Variants in CEP290 observed in about 807,000 individuals in gnomAD.
CEP290 encodes the protein centrosomal protein 290, also known as centrosomal protein of 290 kDa.
In CEP290, 317 loss-of-function variants were observed where a neutral mutation model predicts 344.9. The ratio of observed to expected loss-of-function variants is 0.92; its 90% CI spans 0.84 to 1.01. The LOEUF (loss-of-function observed/expected upper bound fraction) is 1.01, where lower values mean the gene tolerates loss of function less well. Ranked by LOEUF, CEP290 falls within the 50% of genes least tolerant of loss-of-function variation. The pLI is 0.00. For missense variants in CEP290, 2,754 were observed against 2,761.4 expected (o/e 1.00, Z 0.06); for synonymous variants, 932 against 895.8 (o/e 1.04, Z -0.72).
In CEP290 at chr12:88,140,991, T is replaced by A; in HGVS notation, c.145A>T (p.Ile49Leu). 2 of 1,592,636 alleles carry A rather than the reference T, an allele frequency of 1.3e-6. No individual in the cohort carries two copies. The highest frequency in any genetic ancestry group is 1.7e-6 in the Non-Finnish European group (2 of 1,171,996). ...GACTGAGTAATTCTGAAAAGGTGTA[T>A]CACATTTTCTTGCTTTTCACTTTTT... The part of the protein sequence containing the change: ...ELKSEKQENV[I>L]HLFRITQSLM... Residue 49 changes from isoleucine to leucine, a missense_variant, in exon 3 of 54, where the codon ATA becomes TTA. By Grantham distance (5) the Ile-to-Leu change is conservative. Coordinates refer to ENST00000552810, the MANE Select transcript of CEP290 (RefSeq NM_025114.4).
intron 26 of CEP290, among the ~76,000 whole-genome samples, chr12:88,097,945 G>A (rs2037561239): frequency 6.6e-6 from 1 of 152,072 alleles, no homozygotes; most frequent in Admixed American, 6.5e-5. Flanking sequence ...TGGGTGGGTG[G>A]CAGGATTTCG....
Position 88,102,633 on chromosome 12 carries a change from A to G in CEP290, c.2991+205T>C, listed in dbSNP as rs10466971. ...GAAGTCATTCAGCCACTATAAATAG[A>G]TAATATATTGTGTGTGTGTGTGTGT... On this transcript the variant is annotated intron_variant, in intron 26 of 53. Transcript: ENST00000552810. Among the ~76,000 whole-genome samples the G allele has an allele frequency of 0.3, 31,305 of 103,372 alleles. 3,541 individuals carry two copies. Among genetic ancestry groups the G allele is most frequent in the Non-Finnish European group, 0.38 (17,980 of 47,748 alleles). 67.8% of individuals were successfully genotyped at this position (103,372 alleles called of 152,430 possible). A position where few individuals can be genotyped will look rare whatever the true frequency, so the allele number is the denominator to read the frequency against.
chr12:88,055,094 A>G (rs1266518516), intron 50 of CEP290, among the ~76,000 whole-genome samples: 2 of 152,128 alleles, frequency 1.3e-5, no homozygotes, highest in African/African-American at 4.8e-5. Flanking sequence ...GTTTTATTTT[A>G]GGGTGATGGA....
chr12:88,134,805 G>A (rs1374789680), intron 6 of CEP290, among the ~76,000 whole-genome samples: 2 of 152,138 alleles, frequency 1.3e-5, no homozygotes, highest in Non-Finnish European at 2.9e-5. Flanking sequence ...TTATATTTCA[G>A]TCAAAATGAA....
Position 88,093,962 on chromosome 12 carries a change from G to C in CEP290, c.3117C>G (p.Ser1039Arg). The C allele has an allele frequency of 6.2e-7, 1 of 1,605,852 alleles. No homozygotes were observed. Among genetic ancestry groups the C allele is most frequent in the Non-Finnish European group, 8.5e-7 (1 of 1,176,490 alleles). The change falls in exon 28 of 54, where the codon AGC (serine) becomes AGG (arginine). Residue 1039 changes from serine to arginine, a missense_variant. By Grantham distance (110) the Ser-to-Arg change is moderately radical. Coordinates refer to ENST00000552810, the MANE Select transcript of CEP290 (RefSeq NM_025114.4). The part of the protein sequence containing the change: ...EQETKLGNES[S>R]MDKAKKSITN... ...TTATTGATTTCTTTGCCTTATCCAT[G>C]CTAGATTCATTACCTACATGCAATA...
chr12:88,081,960 T>C (rs993419663), intron 37 of CEP290, among the ~76,000 whole-genome samples: 1 of 152,202 alleles, frequency 6.6e-6, no homozygotes, highest in African/African-American at 2.4e-5. Flanking sequence ...TTCTTTCTTT[T>C]AGAGAGTAAT....
Position 88,130,559 on chromosome 12 carries a change from G to T in CEP290, c.502C>A (p.Arg168Ser), listed in dbSNP as rs760856790. The stretch of plus-strand genomic sequence containing the variant: ...TAAAGCCTCACCTTTTTCTTTAGAC[G>T]TTTGTTCTACAGAAAAGGACAGGAA... Reference protein sequence around the residue: ...ENSKLRRENKRLKKKNEQLCQ... With the variant: ...ENSKLRRENKSLKKKNEQLCQ... The change falls in exon 8 of 54, where the codon CGT (arginine) becomes AGT (serine). Residue 168 changes from arginine (R) to serine (S), a missense_variant. Physicochemically the swap from Arg to Ser is moderately radical, Grantham distance 110. Coordinates refer to ENST00000552810, the MANE Select transcript of CEP290 (RefSeq NM_025114.4). 6 of 1,586,382 alleles carry T rather than the reference G, an allele frequency of 3.8e-6. No individual in the cohort carries two copies. In the East Asian group the frequency reaches 1.4e-4, roughly 36 times the overall value.
chr12:88,115,425 T>C, intron 18 of CEP290: 1 of 1,173,860 alleles, frequency 8.5e-7, no homozygotes, highest in Non-Finnish European at 1.1e-6. Context: ...GATATAACGG[T>C]TTTTGTCTTT....
At chr12:88,087,273 T>C (rs1340404465) in intron 32 of CEP290, among the ~76,000 whole-genome samples, 1 of 152,180 alleles carries the variant, frequency 6.6e-6, no homozygotes, top group Non-Finnish European at 1.5e-5. Context: ...ATGAGGTTGC[T>C]TATGTATTGC....
chr12:88,076,377 C>A (rs759702857), intron 41 of CEP290, among the ~76,000 whole-genome samples: 5 of 152,040 alleles, frequency 3.3e-5, no homozygotes, highest in Non-Finnish European at 7.4e-5. Flanking sequence ...ATTTTCTTTT[C>A]CATTTTCATG....
chr12:88,109,744 T>C (rs1434340196), intron 22 of CEP290, among the ~76,000 whole-genome samples: 1 of 152,148 alleles, frequency 6.6e-6, no homozygotes, highest in Non-Finnish European at 1.5e-5. Flanking sequence ...AGAGTCTAAG[T>C]ACCTGTTTTG....
chr12:88,120,015 A>C (rs2039304704), intron 15 of CEP290, 99 bp downstream of exon 15: 1 of 697,840 alleles, frequency 1.4e-6, no homozygotes, highest in South Asian at 3.4e-5. Flanking sequence ...TGAAAAAAGC[A>C]TTAAACTACT....
chr12:88,083,985 A>C (rs775850971), intron 35 of CEP290, 31 bp from the exon 36 acceptor site: 14 of 1,327,210 alleles, frequency 1.1e-5, no homozygotes, highest in Non-Finnish European at 1.4e-5. Context: ...ACTATATCTT[A>C]AATTGTGATT....
intron 50 of CEP290, 34 bp downstream of exon 50, chr12:88,055,542 A>G: frequency 6.6e-7 from 1 of 1,525,184 alleles, no homozygotes; most frequent in South Asian, 1.3e-5. Flanking sequence ...ATTATGCATT[A>G]TTTTATCATG....
In CEP290 at chr12:88,117,052, A is replaced by G. The variant is rs1321355912; in HGVS notation, c.1805T>C (p.Met602Thr). 1 of 1,507,686 alleles carries G rather than the reference A, an allele frequency of 6.6e-7. No individual in the cohort carries two copies. The highest frequency in any genetic ancestry group is 9.1e-7 in the Non-Finnish European group (1 of 1,103,116). 93.4% of individuals were successfully genotyped at this position (1,507,686 alleles called of 1,614,324 possible). A position where few individuals can be genotyped will look rare whatever the true frequency, so the allele number is the denominator to read the frequency against. The change falls in exon 18 of 54, where the codon ATG becomes ACG. Residue 602 changes from methionine (M) to threonine (T), a missense_variant. Physicochemically the swap from Met to Thr is moderately conservative, Grantham distance 81. Coordinates refer to ENST00000552810, the MANE Select transcript of CEP290 (RefSeq NM_025114.4). ...TATTACCTTTGATTGTGCTTCACTC[A>G]TATTTTTGAGGCTCAATAAATCCAA... ...RKLDLLSLKN[M>T]SEAQSKNEFL...
At chr12:88,099,450 A>T (rs903322646) in intron 26 of CEP290, among the ~76,000 whole-genome samples, 3 of 152,210 alleles carry the variant, frequency 2.0e-5, no homozygotes, top group African/African-American at 7.2e-5. Flanking sequence ...ATATATCTTA[A>T]GTTCCTTTAT....
chr12:88,089,047 G>C lies in CEP290; in HGVS notation c.4014C>G (p.Thr1338=). The C allele has an allele frequency of 6.7e-7, 1 of 1,497,262 alleles. No individual in the cohort carries two copies. Among genetic ancestry groups the C allele is most frequent in the Non-Finnish European group, 8.9e-7 (1 of 1,125,040 alleles). The allele number at this position is 1,497,262 out of a possible 1,614,324, so 92.7% of individuals were successfully genotyped here. A position where few individuals can be genotyped will look rare whatever the true frequency, so the allele number is the denominator to read the frequency against. The change falls in exon 31 of 54, where the codon ACC becomes ACG. Residue 1338 remains threonine, a synonymous_variant. Coordinates refer to ENST00000552810, the MANE Select transcript of CEP290 (RefSeq NM_025114.4). ...LEELISTLKD[T]KGAQKVINWH... is the part of the protein sequence containing the mutation. ...AAATGTTTACCTTTTGGGCTCCTTT[G>C]GTATCCTTTAAAGTGCTTATTAACT...
At chr12:88,131,287 A>C in intron 6 of CEP290, 69 bp from the exon 7 acceptor site, 1 of 1,124,980 alleles carries the variant, frequency 8.9e-7, no homozygotes, top group Non-Finnish European at 1.2e-6. Flanking sequence ...TTTTTTTTTG[A>C]GACAAAGTCT....
chr12:88,076,739 A>G (rs138787934), intron 41 of CEP290, among the ~76,000 whole-genome samples: 4 of 152,122 alleles, frequency 2.6e-5, no homozygotes, highest in African/African-American at 9.6e-5. Flanking sequence ...TACTGCAAAT[A>G]CTGAAGATAT....
Sources: allele counts gnomAD v4.1 joint callset (sites outside exome capture counted in the v4.1 genomes callset), GRCh38; gene constraint gnomAD v4.1.1; transcripts MANE v1.5; gene names NCBI Gene and HGNC (gene_info 2026-07-23, HGNC 2026-07-21).